The following PLA2G6 variants were observed in gnomAD, a reference collection of about 807,000 sequenced individuals.
PLA2G6 encodes the protein 85/88 kDa calcium-independent phospholipase A2.
Under a neutral mutation model 83.8 loss-of-function variants are expected in PLA2G6, and 62 were observed. The observed-to-expected ratio is 0.74, with a 90% CI of 0.60 to 0.91. The LOEUF (loss-of-function observed/expected upper bound fraction) is 0.91. Among genes scored for constraint, PLA2G6 ranks in the 40% least tolerant of loss-of-function variants. The pLI is 0.00. For synonymous variants in PLA2G6, 417 were observed against 449.8 expected (o/e 0.93, Z 0.92); for missense variants, 944 against 1,102.0 (o/e 0.86, Z 2.03).
chr22:38,179,049 G>A (rs1392182761), intron 1 of PLA2G6, among the ~76,000 whole-genome samples: 1 of 152,246 alleles, frequency 6.6e-6, no homozygotes, highest in Non-Finnish European at 1.5e-5. Context: ...TGCTGAGGTG[G>A]AGAGTGAAAT....
At chr22:38,114,574 C>T (rs1490625366) in intron 14 of PLA2G6, among the ~76,000 whole-genome samples, 2 of 152,192 alleles carry the variant, frequency 1.3e-5, no homozygotes, top group African/African-American at 4.8e-5. Flanking sequence ...TCCCAGGCTC[C>T]CCATCCGCAC....
intron 1 of PLA2G6, chr22:38,180,473 C>G (rs1365919930): frequency 6.6e-6 from 1 of 152,178 alleles, no homozygotes; most frequent in Admixed American, 6.5e-5. Context: ...GAACATCAGA[C>G]AGTCCGTAAA....
chr22:38,164,351 G>A (rs2090135867), intron 2 of PLA2G6, among the ~76,000 whole-genome samples: 1 of 152,160 alleles, frequency 6.6e-6, no homozygotes, highest in African/African-American at 2.4e-5. Context: ...TAATCGCTAC[G>A]CTGACCAGCT....
At position 38,180,087 on chromosome 22, in the gene PLA2G6, T is replaced by C. The variant is rs555526610; in HGVS notation, c.-46+1577A>G. On this transcript the variant is annotated intron_variant, in intron 1 of 16. Transcript: ENST00000332509. ...GTAACACACTCTTCACTACGGCCCC[T>C]TACTCCTTGCCTACCTACTTCCCCC... is the stretch of plus-strand genomic sequence containing the variant. Among the ~76,000 whole-genome samples, 42 of 151,224 alleles carry C rather than the reference T, an allele frequency of 2.8e-4. No individual in the cohort carries two copies. The South Asian group carries it at 8.8e-3, about 32-fold the overall frequency.
At chr22:38,113,991 C>T in intron 14 of PLA2G6, 1 of 414,368 alleles carries the variant, frequency 2.4e-6, no homozygotes, top group Non-Finnish European at 4.7e-6. Flanking sequence ...GACGGTGTTC[C>T]TTGGTGTTGG....
intron 4 of PLA2G6, chr22:38,142,633 A>T (rs1447060003): frequency 1.2e-5 from 3 of 242,284 alleles, no homozygotes; most frequent in Non-Finnish European, 2.5e-5. Flanking sequence ...CCATGCATGG[A>T]TCTCATAATG....
chr22:38,115,969 G>A (rs1397068617), intron 13 of PLA2G6, 106 bp downstream of exon 13: 1 of 1,496,756 alleles, frequency 6.7e-7, no homozygotes, highest in Non-Finnish European at 9.2e-7. Context: ...CGGGTGGGCT[G>A]GTGGCACGGT....
chr22:38,135,136 G>T, intron 5 of PLA2G6, 52 bp from the exon 6 acceptor site: 1 of 1,257,112 alleles, frequency 8.0e-7, no homozygotes, highest in Non-Finnish European at 1.2e-6. Flanking sequence ...TCTGCGTGGC[G>T]TGGGATGAAG....
At position 38,145,431 on chromosome 22, in the gene PLA2G6, T is replaced by C; in HGVS notation, c.425+7A>G. 1 of 1,600,368 alleles carries C rather than the reference T, an allele frequency of 6.2e-7. No individual in the cohort carries two copies. The highest frequency in any genetic ancestry group is 1.1e-5 in the South Asian group (1 of 88,900). ...CGTTGTCCAAATGGTCTTGTTCCCT[T>C]GCTCACCTGATGATACGGCTGTGAT... On this transcript the variant is annotated splice_region_variant and intron_variant, in intron 3 of 16. Transcript: ENST00000332509.
chr22:38,140,756 A>G (rs1376049040), intron 4 of PLA2G6: 1 of 156,446 alleles, frequency 6.4e-6, no homozygotes, highest in Non-Finnish European at 1.4e-5. Context: ...GCAGTATTAA[A>G]AAGAGAGCCA....
chr22:38,148,035 C>T (rs1318556428), intron 2 of PLA2G6: 1 of 164,000 alleles, frequency 6.1e-6, no homozygotes, highest in Non-Finnish European at 1.3e-5. Flanking sequence ...GTTTTTCCTT[C>T]ATCTCACCAG....
chr22:38,132,562 T>C lies in PLA2G6; in HGVS notation c.1077+269A>G, dbSNP rs2088282027. The C allele has an allele frequency of 1.8e-6, 1 of 556,922 alleles. No individual in the cohort carries two copies. The highest frequency in any genetic ancestry group is 2.2e-5 in the South Asian group (1 of 46,508). The allele number at this position is 556,922 out of a possible 1,614,324, so 34.5% of individuals were successfully genotyped here. A position where few individuals can be genotyped will look rare whatever the true frequency, so the allele number is the denominator to read the frequency against. On this transcript the variant is annotated intron_variant, in intron 7 of 16. Transcript: ENST00000332509. This position sits in a 1 kb window ranked among gnomAD's most constrained non-coding sequence, Gnocchi z 5.0. ...CAGTCTATGGCCAGAGCTGTCATTTTTCCCTCTCGTGCCATGCAAGTGCCA... is the reference window on the plus strand; with the variant it reads ...CAGTCTATGGCCAGAGCTGTCATTTCTCCCTCTCGTGCCATGCAAGTGCCA...
intron 1 of PLA2G6, among the ~76,000 whole-genome samples, chr22:38,175,003 T>C (rs2090580646): frequency 6.6e-6 from 1 of 152,038 alleles, no homozygotes; most frequent in Non-Finnish European, 1.5e-5. Context: ...AAAAATCTGG[T>C]TCCTCCTCAG....
chr22:38,172,555 A>G (rs1053292078), intron 1 of PLA2G6, among the ~76,000 whole-genome samples: 8 of 152,204 alleles, frequency 5.3e-5, no homozygotes, highest in Non-Finnish European at 8.8e-5. Context: ...GATGCTATGT[A>G]AAGCGATTAT....
intron 1 of PLA2G6, among the ~76,000 whole-genome samples, chr22:38,174,486 T>C (rs780484386): frequency 2.0e-5 from 3 of 152,144 alleles, no homozygotes; most frequent in Admixed American, 6.5e-5. Flanking sequence ...GCATCTCTGA[T>C]GAGTTCCCTG....
At chr22:38,139,900 A>G in intron 5 of PLA2G6, 82 bp downstream of exon 5, 1 of 1,122,322 alleles carries the variant, frequency 8.9e-7, no homozygotes, top group South Asian at 1.3e-5. Context: ...TATGGTGGAT[A>G]CTGCTTGCCT....
chr22:38,149,612 A>G (rs6001027), intron 2 of PLA2G6: 60,404 of 152,016 alleles, frequency 0.4, 12,402 homozygotes, highest in South Asian at 0.49. Context: ...TACATTTGAA[A>G]AGTTAATGTC....
intron 5 of PLA2G6, chr22:38,138,312 C>T (rs897524103): frequency 2.6e-5 from 4 of 152,630 alleles, no homozygotes; most frequent in Non-Finnish European, 4.4e-5. Flanking sequence ...TCAAGTATTT[C>T]TGAAAGCTCT....
chr22:38,126,221 T>A (rs1488375830), intron 10 of PLA2G6, 150 bp downstream of exon 10: 3 of 718,492 alleles, frequency 4.2e-6, no homozygotes, highest in Non-Finnish European at 7.6e-6. Context: ...CCATGTTCTG[T>A]CTCTGCTGAG....
Sources: gnomAD v4.1 joint callset for allele counts (sites outside exome capture counted in the v4.1 genomes callset) on GRCh38, gnomAD v4.1.1 for gene constraint, Gnocchi (gnomAD v3.1) non-coding constraint, MANE v1.5 for transcripts, NCBI Gene and HGNC (gene_info 2026-07-23, HGNC 2026-07-21) for gene names.